Variants in FOLH1 observed in about 807,000 individuals in gnomAD.
FOLH1 encodes the protein glutamate carboxypeptidase 2.
A neutral mutation model predicts 93.9 loss-of-function variants in FOLH1; 54 were observed. The observed-to-expected ratio is 0.57, with a 90% CI of 0.46 to 0.72. FOLH1 has a LOEUF of 0.72. Among genes scored for constraint, FOLH1 ranks in the 30% least tolerant of loss-of-function variants. The pLI is 0.00. For missense variants in FOLH1, 571 were observed against 892.5 expected (o/e 0.64, Z 4.59); for synonymous variants, 249 against 303.6 (o/e 0.82, Z 1.87).
intron 7 of FOLH1, among the ~76,000 whole-genome samples, chr11:49,177,722 C>T (rs779330121): frequency 2.8e-5 from 4 of 142,730 alleles, no homozygotes; most frequent in Non-Finnish European, 1.5e-5. Flanking sequence ...GCGAGGCAAG[C>T]GGATCACCTG....
At chr11:49,156,473 A>G (rs1206816969) in intron 15 of FOLH1, among the ~76,000 whole-genome samples, 1 of 152,082 alleles carries the variant, frequency 6.6e-6, no homozygotes, top group Non-Finnish European at 1.5e-5. Context: ...TGTTTAAAGG[A>G]GTACACAGAA....
intron 6 of FOLH1, among the ~76,000 whole-genome samples, chr11:49,183,757 TA>T (rs1453148801): frequency 6.6e-6 from 1 of 151,494 alleles, no homozygotes; most frequent in Non-Finnish European, 1.5e-5. Flanking sequence ...AGCAAGGCTT[TA>T]AAAAAAAATC....
intron 4 of FOLH1, 187 bp downstream of exon 4, chr11:49,192,606 A>T: frequency 2.6e-6 from 1 of 378,950 alleles, no homozygotes; most frequent in South Asian, 5.8e-5. Flanking sequence ...TTGTATCTTT[A>T]AAAATACCAT....
intron 2 of FOLH1, among the ~76,000 whole-genome samples, chr11:49,204,704 A>C (rs1395304102): frequency 6.6e-6 from 1 of 152,162 alleles, no homozygotes; most frequent in African/African-American, 2.4e-5. Flanking sequence ...GTTGTAATTA[A>C]TACAAACATA....
At chr11:49,199,135 AT>A (rs1408640367) in intron 3 of FOLH1, among the ~76,000 whole-genome samples, 1 of 152,102 alleles carries the variant, frequency 6.6e-6, no homozygotes, top group Non-Finnish European at 1.5e-5. Context: ...ATCACATGAC[AT>A]TTTCAGTTCA....
At position 49,151,901 on chromosome 11, in the gene FOLH1, C is replaced by T. The variant is rs916593664; in HGVS notation, c.1970+1945G>A. 9.9e-5 allele frequency among the ~76,000 whole-genome samples: 15 copies of T among 152,188 alleles called. 1 individual carries two copies. In the South Asian group the frequency reaches 3.1e-3, roughly 32 times the overall value. ...TTCTTATTGTTGACTTTTTTACTCA[C>T]ATATAAAAATTATAAAGAATTGAAA... On this transcript the variant is annotated intron_variant, in intron 17 of 18. Coordinates refer to ENST00000256999, the MANE Select transcript of FOLH1 (RefSeq NM_004476.3).
At chr11:49,198,134 T>C (rs1208282368) in intron 3 of FOLH1, among the ~76,000 whole-genome samples, 1 of 151,372 alleles carries the variant, frequency 6.6e-6, no homozygotes, top group Admixed American at 6.6e-5. Flanking sequence ...TGAAATAAAA[T>C]AAGCAATGGT....
At position 49,154,887 on chromosome 11, in the gene FOLH1, G is replaced by C. The variant is rs370864049; in HGVS notation, c.1624-395C>G. On this transcript the variant is annotated intron_variant, in intron 15 of 18. Transcript: ENST00000256999. Reference sequence around the variant, plus strand: ...ATAAGTATTACACAATATTATATAGGAGAAGACACTAAATTGCTTAATCAC... The same window carrying C: ...ATAAGTATTACACAATATTATATAGCAGAAGACACTAAATTGCTTAATCAC... 1.9e-4 allele frequency among the ~76,000 whole-genome samples: 29 copies of C among 152,008 alleles called. No individual in the cohort carries two copies. The East Asian group carries it at 4.3e-3, about 22-fold the overall frequency.
chr11:49,187,156 G>A (rs1476003708), intron 4 of FOLH1, among the ~76,000 whole-genome samples: 3 of 152,132 alleles, frequency 2.0e-5, no homozygotes, highest in Non-Finnish European at 2.9e-5. Context: ...TTCAGTGTGT[G>A]TTCACAGGGA....
At chr11:49,207,793 G>C in intron 1 of FOLH1, 1 of 426,946 alleles carries the variant, frequency 2.3e-6, no homozygotes, top group Non-Finnish European at 4.6e-6. Context: ...TTAGAAAGTT[G>C]GATCAAGTCT....
intron 6 of FOLH1, among the ~76,000 whole-genome samples, chr11:49,184,298 A>G (rs538559321): frequency 6.6e-6 from 1 of 152,198 alleles, no homozygotes; most frequent in Non-Finnish European, 1.5e-5. Flanking sequence ...ATGCCATAAT[A>G]AAAAGTAAAA....
Position 49,146,816 on chromosome 11 carries a change from C to T in FOLH1, c.2193G>A (p.Gln731=). The change falls in exon 19 of 19, where the codon CAG becomes CAA. Residue 731 remains glutamine, a synonymous_variant. Coordinates refer to ENST00000256999, the MANE Select transcript of FOLH1 (RefSeq NM_004476.3). ...GCACTGTGAAGGCTGCAACATAAATCTGTCTCTTCACTTCTCCCCAGGCCT... is the reference window on the plus strand; with the variant it reads ...GCACTGTGAAGGCTGCAACATAAATTTGTCTCTTCACTTCTCCCCAGGCCT... The part of the protein sequence containing the change: ...PSKAWGEVKR[Q]IYVAAFTVQA... 6.2e-7 allele frequency: 1 copy of T among 1,613,570 alleles called. No individual in the cohort carries two copies. Among genetic ancestry groups the T allele is most frequent in the Non-Finnish European group, 8.5e-7 (1 of 1,179,682 alleles).
intron 2 of FOLH1, among the ~76,000 whole-genome samples, chr11:49,203,843 A>G (rs1444690356): frequency 1.3e-5 from 2 of 152,198 alleles, no homozygotes; most frequent in African/African-American, 4.8e-5. Flanking sequence ...ACCCTCTAGA[A>G]TGTCAGGTGA....
rs772643673 is a variant in FOLH1, at chr11:49,171,176, T to C, written c.1308+19A>G. 23 of 1,557,404 alleles carry C rather than the reference T, an allele frequency of 1.5e-5. No individual in the cohort carries two copies. The highest frequency in any genetic ancestry group is 1.9e-5 in the Non-Finnish European group (22 of 1,153,860). On this transcript the variant is annotated intron_variant, in intron 11 of 18. Coordinates refer to ENST00000256999, the MANE Select transcript of FOLH1 (RefSeq NM_004476.3). ...CTTTATTTTATAAAAATTTATATTA[T>C]AGCAAATTACCAACTAACCTCTGCC...
chr11:49,154,097 T>C, intron 16 of FOLH1, 131 bp downstream of exon 16: 1 of 1,409,116 alleles, frequency 7.1e-7, no homozygotes, highest in Non-Finnish European at 9.6e-7. Context: ...AAAATACATT[T>C]ATAGACATAA....
At chr11:49,166,082 T>C (rs1448055782) in intron 12 of FOLH1, among the ~76,000 whole-genome samples, 1 of 152,210 alleles carries the variant, frequency 6.6e-6, no homozygotes, top group East Asian at 1.9e-4. Flanking sequence ...AGAAAACTGA[T>C]ACAAAATTTG....
intron 10 of FOLH1, among the ~76,000 whole-genome samples, chr11:49,172,620 C>T (rs1859470440): frequency 6.6e-6 from 1 of 152,090 alleles, no homozygotes; most frequent in African/African-American, 2.4e-5. Flanking sequence ...AAATACTATG[C>T]AAACAACATA....
chr11:49,195,852 A>C (rs1284211464), intron 3 of FOLH1, among the ~76,000 whole-genome samples: 4 of 152,230 alleles, frequency 2.6e-5, no homozygotes, highest in Non-Finnish European at 5.9e-5. Flanking sequence ...AACTGACATA[A>C]GAATACATTT....
Position 49,146,272 on chromosome 11 carries a change from C to T in FOLH1, c.*484G>A, listed in dbSNP as rs1229289234. 4.6e-5 allele frequency among the ~76,000 whole-genome samples: 7 copies of T among 152,148 alleles called. No individual in the cohort carries two copies. The highest frequency in any genetic ancestry group is 8.8e-5 in the Non-Finnish European group (6 of 68,022). On this transcript the variant is annotated 3_prime_UTR_variant, in exon 19 of 19. Coordinates refer to ENST00000256999, the MANE Select transcript of FOLH1 (RefSeq NM_004476.3). ...TATTTCTTATGCTATAGAGTGATAA[C>T]ATTTACTAAAAGTGTGATTTGATCC...
Sources: allele counts gnomAD v4.1 joint callset (sites outside exome capture counted in the v4.1 genomes callset), GRCh38; gene constraint gnomAD v4.1.1; transcripts MANE v1.5; gene names NCBI Gene and HGNC (gene_info 2026-07-23, HGNC 2026-07-21).